AMER3: variants seen among roughly 807,000 people sequenced by gnomAD.
AMER3 encodes family with sequence similarity 123C.
For synonymous variants in AMER3, 541 were observed against 485.5 expected, an observed-to-expected ratio of 1.11 and a Z score of -1.50; for missense variants, 1,201 against 1,139.4, an observed-to-expected ratio of 1.05 and a Z score of -0.78.
At chr2:130,760,157 G>T (rs907609576) in intron 1 of AMER3, among the ~76,000 whole-genome samples, 3 of 152,244 alleles carry the variant, frequency 2.0e-5, no homozygotes, top group Non-Finnish European at 2.9e-5. Flanking sequence ...AGCAACAGCT[G>T]AGCTGCAGCT....
chr2:130,763,314 G>C lies in AMER3; in HGVS notation c.1242G>C (p.Arg414=). ...GCACTCCTGCCGCCACCTTCCCACG[G>C]GACAGCTACAGTGGGGACGCCCTCT... ...SPGTPAATFP[R]DSYSGDALYE... Residue 414 remains arginine (R), a synonymous_variant, in exon 2 of 2, where the codon CGG becomes CGC. Coordinates refer to ENST00000321420, the MANE Select transcript of AMER3 (RefSeq NM_152698.3). The C allele has an allele frequency of 6.2e-7, 1 of 1,613,664 alleles. No individual in the cohort carries two copies. The highest frequency in any genetic ancestry group is 8.5e-7 in the Non-Finnish European group (1 of 1,180,034).
rs748736007 is a variant in AMER3, at chr2:130,762,693, G to A, written c.621G>A (p.Gly207=). The part of the protein sequence containing the change: ...RSKAFLPPGE[G]PGLDGLCQDL... ...AAGCCTTCCTCCCCCCGGGTGAGGG[G>A]CCGGGGCTGGACGGCCTGTGCCAGG... Residue 207 remains glycine, a synonymous_variant, in exon 2 of 2, where the codon GGG becomes GGA. Coordinates refer to ENST00000321420, the MANE Select transcript of AMER3 (RefSeq NM_152698.3). 35 of 1,611,292 alleles carry A rather than the reference G, an allele frequency of 2.2e-5. No homozygotes were observed. The highest frequency in any genetic ancestry group is 2.8e-5 in the Non-Finnish European group (33 of 1,179,834).
At position 130,764,949 on chromosome 2, in the gene AMER3, C is replaced by A. The variant is rs541977572; in HGVS notation, c.*291C>A. ...GCTTGAAACTGAGGGGGAGAAAGAG[C>A]TGCACATTGTAAATGGGAAGCAGAG... is the stretch of plus-strand genomic sequence containing the variant. On this transcript the variant is annotated 3_prime_UTR_variant, in exon 2 of 2. Transcript: ENST00000321420. 160 of 377,724 alleles carry A rather than the reference C, an allele frequency of 4.2e-4. No homozygotes were observed. Among genetic ancestry groups the A allele is most frequent in the Non-Finnish European group, 6.9e-4 (138 of 199,352 alleles). 23.4% of individuals were successfully genotyped at this position (377,724 alleles called of 1,614,324 possible).
intron 1 of AMER3, among the ~76,000 whole-genome samples, chr2:130,758,984 C>T (rs1275936580): frequency 7.0e-6 from 1 of 142,888 alleles, no homozygotes; most frequent in Non-Finnish European, 1.5e-5. Context: ...AGTCTGCCTC[C>T]AGCCAGGCAG....
rs1055694945 is a variant in AMER3 at position 130,763,106 on chromosome 2, C to T, written c.1034C>T (p.Ala345Val). 4 of 1,613,052 alleles carry T rather than the reference C, an allele frequency of 2.5e-6. No homozygotes were observed. Among genetic ancestry groups the T allele is most frequent in the East Asian group, 4.5e-5 (2 of 44,886 alleles). The change falls in exon 2 of 2, where the codon GCT (alanine) becomes GTT (valine). Residue 345 changes from alanine (A) to valine (V), a missense_variant. Transcript: ENST00000321420. ...TDRDQSRLDT[A>V]GLAELPLCPC... ...AGGGACCAATCCCGGCTGGACACAGCTGGGCTCGCTGAGCTGCCCCTCTGC... is the reference window on the plus strand; with the variant it reads ...AGGGACCAATCCCGGCTGGACACAGTTGGGCTCGCTGAGCTGCCCCTCTGC...
At chr2:130,758,465 G>T (rs1378443420) in intron 1 of AMER3, among the ~76,000 whole-genome samples, 1 of 151,212 alleles carries the variant, frequency 6.6e-6, no homozygotes, top group Non-Finnish European at 1.5e-5. Context: ...AAGGAAGGAA[G>T]GAGAGAAGAA....
At position 130,762,070 on chromosome 2, in the gene AMER3, A is replaced by G; in HGVS notation, c.-3A>G. 2 of 1,609,340 alleles carry G rather than the reference A, an allele frequency of 1.2e-6. No individual in the cohort carries two copies. Among genetic ancestry groups the G allele is most frequent in the South Asian group, 2.2e-5 (2 of 90,152 alleles). On this transcript the variant is annotated 5_prime_UTR_variant, in exon 2 of 2. Transcript: ENST00000321420. The stretch of plus-strand genomic sequence containing the variant: ...CCTCCACAGCAGCTGGGGCACTGGC[A>G]GCATGGAGCTGAAGAGAGGAAAGAC...
chr2:130,763,478 A>G lies in AMER3; in HGVS notation c.1406A>G (p.Asn469Ser). The G allele has an allele frequency of 1.2e-6, 2 of 1,612,446 alleles. No homozygotes were observed. Among genetic ancestry groups the G allele is most frequent in the Non-Finnish European group, 1.7e-6 (2 of 1,179,596 alleles). Residue 469 changes from asparagine (N) to serine (S), a missense_variant, in exon 2 of 2, where the codon AAC (asparagine) becomes AGC (serine). Transcript: ENST00000321420. ...AGCTTCCGAGTGGGGGCCGAGGAGA[A>G]CTTGGCCCCAGCACCAGGCCCTGAC... Reference protein sequence around the residue: ...ICSFRVGAEENLAPAPGPDLL... With the variant: ...ICSFRVGAEESLAPAPGPDLL...
chr2:130,758,793 G>T (rs148115179), intron 1 of AMER3, among the ~76,000 whole-genome samples: 1 of 152,326 alleles, frequency 6.6e-6, no homozygotes, highest in East Asian at 1.9e-4. Flanking sequence ...GACCTGTCAT[G>T]TTTCTTGCTG....
At position 130,765,735 on chromosome 2, in the gene AMER3, G is replaced by T. The variant is rs1453601758; in HGVS notation, c.*1077G>T. On this transcript the variant is annotated 3_prime_UTR_variant, in exon 2 of 2. Transcript: ENST00000321420. ...TGTCAAGGCAGTGGAAGAAAAGCCT[G>T]TCCCAGCTCTGAGAGAGAGACCAGT... is the stretch of plus-strand genomic sequence containing the variant. The T allele has an allele frequency of 1.2e-5, 2 of 167,086 alleles. No individual in the cohort carries two copies. Among genetic ancestry groups the T allele is most frequent in the Non-Finnish European group, 2.9e-5 (2 of 68,158 alleles). 10.4% of individuals were successfully genotyped at this position (167,086 alleles called of 1,614,324 possible).
rs759669602 is a variant in AMER3 at position 130,762,508 on chromosome 2, A to G, written c.436A>G (p.Ile146Val). Residue 146 changes from isoleucine to valine, a missense_variant, in exon 2 of 2, where the codon ATC becomes GTC. Physicochemically the swap from Ile to Val is conservative, Grantham distance 29. Transcript: ENST00000321420. Reference protein sequence around the residue: ...MPFVPAVAKSIPRKRISLKRP... With the variant: ...MPFVPAVAKSVPRKRISLKRP... Reference sequence around the variant, plus strand: ...CTTTGTGCCAGCTGTGGCCAAGAGCATCCCGAGGAAGAGGATTTCCCTGAA... The same window carrying G: ...CTTTGTGCCAGCTGTGGCCAAGAGCGTCCCGAGGAAGAGGATTTCCCTGAA... 3.1e-6 allele frequency: 5 copies of G among 1,613,286 alleles called. No individual in the cohort carries two copies. The highest frequency in any genetic ancestry group is 3.3e-5 in the Admixed American group (2 of 60,012).
At position 130,763,596 on chromosome 2, in the gene AMER3, C is replaced by G. The variant is rs773223965; in HGVS notation, c.1524C>G (p.Ile508Met). 3 of 1,604,722 alleles carry G rather than the reference C, an allele frequency of 1.9e-6. No individual in the cohort carries two copies. The highest frequency in any genetic ancestry group is 1.1e-5 in the South Asian group (1 of 89,680). The change falls in exon 2 of 2, where the codon ATC (isoleucine) becomes ATG (methionine). Residue 508 changes from isoleucine to methionine, a missense_variant. By Grantham distance (10) the Ile-to-Met change is conservative. Transcript: ENST00000321420. ...CTGAGCTCGCCATCACCATGGGCAT[C>G]GTCAGCTGGCTGCGCCGAGGCCCCA... is the stretch of plus-strand genomic sequence containing the variant. ...CDTELAITMGIVSWLRRGPTP... is the reference protein window; with the variant it reads ...CDTELAITMGMVSWLRRGPTP...
rs1183044662 is a variant in AMER3, at chr2:130,762,796, C to T, written c.724C>T (p.Gln242Ter). The T allele has an allele frequency of 1.2e-6, 2 of 1,612,350 alleles. No individual in the cohort carries two copies. Reference protein sequence around the residue: ...RALCEDVASLQSFDSLTGCGE... With the variant: ...RALCEDVASL ...CCTGTGTGAGGACGTGGCCTCACTC[C>T]AGAGCTTCGACTCGCTCACGGGTTG... is the stretch of plus-strand genomic sequence containing the variant. Residue 242 changes from glutamine (Q) to a stop codon, truncating the protein, a stop_gained, in exon 2 of 2, where the codon CAG becomes TAG. Coordinates refer to ENST00000321420, the MANE Select transcript of AMER3 (RefSeq NM_152698.3). LOFTEE classifies it low-confidence loss of function (END_TRUNC).
chr2:130,764,011 C>T lies in AMER3; in HGVS notation c.1939C>T (p.Pro647Ser). ...GCCCTGCTCCCAGAAGGAGCCTGGGCCACCAGGGGTCCTGGGGTGTTTCCG... is the reference window on the plus strand; with the variant it reads ...GCCCTGCTCCCAGAAGGAGCCTGGGTCACCAGGGGTCCTGGGGTGTTTCCG... ...TWPCSQKEPG[P>S]PGVLGCFRGP... The change falls in exon 2 of 2, where the codon CCA (proline) becomes TCA (serine). Residue 647 changes from proline (P) to serine (S), a missense_variant. Pro to Ser is a moderately conservative substitution (Grantham distance 74). Coordinates refer to ENST00000321420, the MANE Select transcript of AMER3 (RefSeq NM_152698.3). 6.2e-7 allele frequency: 1 copy of T among 1,613,102 alleles called. No individual in the cohort carries two copies.
chr2:130,762,923 C>G lies in AMER3; in HGVS notation c.851C>G (p.Pro284Arg). 1 of 1,612,772 alleles carries G rather than the reference C, an allele frequency of 6.2e-7. No homozygotes were observed. The highest frequency in any genetic ancestry group is 8.5e-7 in the Non-Finnish European group (1 of 1,179,644). The change falls in exon 2 of 2, where the codon CCC becomes CGC. Residue 284 changes from proline to arginine, a missense_variant. Physicochemically the swap from Pro to Arg is moderately radical, Grantham distance 103. Coordinates refer to ENST00000321420, the MANE Select transcript of AMER3 (RefSeq NM_152698.3). ...GCTCAGGGCCTGGAGAGCAAGGTTC[C>G]CAGGGGCCCTCTCCAGGGCAGTGTG... Reference protein sequence around the residue: ...QAAQGLESKVPRGPLQGSVEQ... With the variant: ...QAAQGLESKVRRGPLQGSVEQ...
chr2:130,766,789 A>C lies in AMER3; in HGVS notation c.*2131A>C, dbSNP rs919596991. On this transcript the variant is annotated 3_prime_UTR_variant, in exon 2 of 2. Coordinates refer to ENST00000321420, the MANE Select transcript of AMER3 (RefSeq NM_152698.3). ...CAGTGCTGGATGACAGGAGTGAGCC[A>C]GCCAGCATCATGCATCCCTGTGCGC... 4 of 167,022 alleles carry C rather than the reference A, an allele frequency of 2.4e-5. No individual in the cohort carries two copies. The highest frequency in any genetic ancestry group is 9.6e-5 in the African/African-American group (4 of 41,460). The allele number at this position is 167,022 out of a possible 1,614,324, so 10.3% of individuals were successfully genotyped here.
chr2:130,764,222 TGG>T lies in AMER3; in HGVS notation c.2151_2152del (p.Glu718AlafsTer76), dbSNP rs749396013. The T allele has an allele frequency of 3.0e-5, 48 of 1,609,608 alleles. No homozygotes were observed. Among genetic ancestry groups the T allele is most frequent in the Non-Finnish European group, 4.0e-5 (47 of 1,177,964 alleles). On this transcript the variant is annotated frameshift_variant, in exon 2 of 2. Coordinates refer to ENST00000321420, the MANE Select transcript of AMER3 (RefSeq NM_152698.3). LOFTEE classifies it low-confidence loss of function (END_TRUNC). ...CGCTGGGCCAGGGGCCCTGACATGC[TGG>T]AGCAGAAACAGTCCAGCAGCTCCCC... is the stretch of plus-strand genomic sequence containing the variant.
chr2:130,760,989 C>T (rs980889328), intron 1 of AMER3, among the ~76,000 whole-genome samples: 2 of 152,094 alleles, frequency 1.3e-5, no homozygotes, highest in Non-Finnish European at 2.9e-5. Flanking sequence ...TTGGAAGACC[C>T]TACATTACCC....
Position 130,763,908 on chromosome 2 carries a change from G to C in AMER3, c.1836G>C (p.Leu612Phe), listed in dbSNP as rs1321505401. 3 of 1,613,654 alleles carry C rather than the reference G, an allele frequency of 1.9e-6. No individual in the cohort carries two copies. Among genetic ancestry groups the C allele is most frequent in the Non-Finnish European group, 2.5e-6 (3 of 1,180,020 alleles). ...EEETRGHSEG[L>F]FSSMESAATS... The stretch of plus-strand genomic sequence containing the variant: ...AGACACGAGGTCACTCTGAAGGCTT[G>C]TTCTCCTCTATGGAGTCTGCAGCCA... The change falls in exon 2 of 2, where the codon TTG becomes TTC. Residue 612 changes from leucine to phenylalanine, a missense_variant. Coordinates refer to ENST00000321420, the MANE Select transcript of AMER3 (RefSeq NM_152698.3).
Sources: gnomAD v4.1 joint callset for allele counts (sites outside exome capture counted in the v4.1 genomes callset) on GRCh38, gnomAD v4.1.1 for gene constraint, MANE v1.5 for transcripts, NCBI Gene and HGNC (gene_info 2026-07-23, HGNC 2026-07-21) for gene names.